Variants in PARD3B observed in about 807,000 individuals in gnomAD.
PARD3B encodes par-3 family cell polarity regulator beta, also known as partitioning defective 3 homolog B.
A neutral mutation model predicts 130.2 loss-of-function variants in PARD3B; 103 were observed. The observed-to-expected ratio is 0.79, with a 90% CI of 0.67 to 0.93. The LOEUF (loss-of-function observed/expected upper bound fraction) is 0.93, where lower values mean the gene tolerates loss of function less well. Ranked by LOEUF, PARD3B falls within the 40% of genes least tolerant of loss-of-function variation. The pLI is 0.00. For synonymous variants in PARD3B, 583 were observed against 553.2 expected, an observed-to-expected ratio of 1.05 and a Z score of -0.76; for missense variants, 1,609 against 1,499.2, an observed-to-expected ratio of 1.07 and a Z score of -1.21.
At chr2:204,613,914 A>C (rs541649788) in intron 1 of PARD3B, among the ~76,000 whole-genome samples, 1 of 152,150 alleles carries the variant, frequency 6.6e-6, no homozygotes, top group African/African-American at 2.4e-5. Context: ...GATTCCCACA[A>C]ATGCTGGGTG....
intron 20 of PARD3B, among the ~76,000 whole-genome samples, chr2:205,457,531 T>C (rs2048316468): frequency 6.6e-6 from 1 of 152,106 alleles, no homozygotes. Flanking sequence ...TCTTTGTTCC[T>C]TTCTGAATAT....
chr2:204,743,953 G>A (rs1310306566), intron 2 of PARD3B, among the ~76,000 whole-genome samples: 1 of 152,100 alleles, frequency 6.6e-6, no homozygotes, highest in African/African-American at 2.4e-5. Context: ...CTTGGAGTAG[G>A]AAAACCTGAT....
At chr2:205,112,396 A>T (rs781697644) in intron 5 of PARD3B, among the ~76,000 whole-genome samples, 8 of 152,112 alleles carry the variant, frequency 5.3e-5, no homozygotes, top group Non-Finnish European at 8.8e-5. Context: ...GTGCAGAGTG[A>T]ATTCATCATG....
chr2:205,414,186 C>G (rs1179381584), intron 19 of PARD3B, among the ~76,000 whole-genome samples: 1 of 152,106 alleles, frequency 6.6e-6, no homozygotes, highest in East Asian at 1.9e-4. Context: ...GACTAAACTC[C>G]AAGCCCGTGA....
At chr2:205,157,151 CT>C (rs1490537705) in intron 10 of PARD3B, among the ~76,000 whole-genome samples, 1 of 152,070 alleles carries the variant, frequency 6.6e-6, no homozygotes, top group Admixed American at 6.6e-5. Context: ...CTTTATTAGA[CT>C]GAAATTAAGC....
At chr2:204,710,500 G>C (rs1359717052) in intron 2 of PARD3B, among the ~76,000 whole-genome samples, 2 of 152,236 alleles carry the variant, frequency 1.3e-5, no homozygotes, top group South Asian at 4.1e-4. Flanking sequence ...TTGAAGAAAT[G>C]TGAGGCATGC....
rs1010888915 is a variant in PARD3B, at chr2:205,339,553, G to T, written c.2630+37852G>T. On this transcript the variant is annotated intron_variant, in intron 18 of 22. Coordinates refer to ENST00000406610, the MANE Select transcript of PARD3B (RefSeq NM_001302769.2). ...TTGGTTTTAACTAGTTTTTCAAATG[G>T]TCCACATGTAATTTAAAGTGTTGGA... 6.6e-5 allele frequency among the ~76,000 whole-genome samples: 10 copies of T among 152,260 alleles called. No homozygotes were observed. In the East Asian group the frequency reaches 1.9e-3, roughly 29 times the overall value.
In PARD3B at chr2:204,638,499, C is replaced by G. The variant is rs149462625; in HGVS notation, c.121-47682C>G. The stretch of plus-strand genomic sequence containing the variant: ...ACTGATCGCTATATATTTAAACTTG[C>G]TTTAGCCAAGTGTAATTTTGTTATT... On this transcript the variant is annotated intron_variant, in intron 1 of 22. Coordinates refer to ENST00000406610, the MANE Select transcript of PARD3B (RefSeq NM_001302769.2). 4.9e-3 allele frequency among the ~76,000 whole-genome samples: 747 copies of G among 152,238 alleles called. 6 individuals carry two copies. Among genetic ancestry groups the G allele is most frequent in the African/African-American group, 0.017 (710 of 41,548 alleles).
At position 204,943,196 on chromosome 2, in the gene PARD3B, G is replaced by GTA. The variant is rs1362495637; in HGVS notation, c.223-21945_223-21944dup. Among the ~76,000 whole-genome samples the GTA allele has an allele frequency of 3.0e-4, 46 of 151,830 alleles. No individual in the cohort carries two copies. The highest frequency in any genetic ancestry group is 8.2e-4 in the African/African-American group (34 of 41,380). On this transcript the variant is annotated intron_variant, in intron 2 of 22. Coordinates refer to ENST00000406610, the MANE Select transcript of PARD3B (RefSeq NM_001302769.2). This position sits in a 1 kb window ranked among gnomAD's most constrained non-coding sequence, Gnocchi z 4.2. ...TGTATGCATATATATATATGTGTGT[G>GTA]TATATATATATAATATGTTAATTTT...
rs2036517585 is a variant in PARD3B, at chr2:204,675,999, G to A, written c.121-10182G>A. Among the ~76,000 whole-genome samples the A allele has an allele frequency of 6.7e-6, 1 of 150,264 alleles. No individual in the cohort carries two copies. Among genetic ancestry groups the A allele is most frequent in the Admixed American group, 6.6e-5 (1 of 15,042 alleles). On this transcript the variant is annotated intron_variant, in intron 1 of 22. Transcript: ENST00000406610. The surrounding 1 kb of genome is among the most constrained non-coding windows in gnomAD (Gnocchi z 4.4). ...GGTTTATACATAATGGTTTATACTG[G>A]TTCCCTGTCTTTAAAATAAGAGGCC...
chr2:205,008,860 T>C (rs747011530), intron 3 of PARD3B, among the ~76,000 whole-genome samples: 16 of 152,178 alleles, frequency 1.1e-4, no homozygotes, highest in Non-Finnish European at 1.5e-4. Context: ...TCCAAGATAT[T>C]GCAGCTTCAG....
chr2:204,645,374 T>G (rs754412985), intron 1 of PARD3B, among the ~76,000 whole-genome samples: 4 of 152,322 alleles, frequency 2.6e-5, no homozygotes. Flanking sequence ...TTTTGCTGAT[T>G]GTTTTTGTAA....
chr2:205,344,715 T>C (rs913686772), intron 18 of PARD3B, among the ~76,000 whole-genome samples: 8 of 152,236 alleles, frequency 5.3e-5, no homozygotes, highest in Non-Finnish European at 1.2e-4. Context: ...AGCCTTATGG[T>C]CTTTCCAGTA....
At chr2:205,150,209 C>CTG (rs1491537101) in intron 10 of PARD3B, among the ~76,000 whole-genome samples, 1 of 118,536 alleles carries the variant, frequency 8.4e-6, no homozygotes, top group Admixed American at 9.9e-5. Context: ...GCCAGCCAGG[C>CTG]TCTGTGTGTG....
chr2:205,306,879 T>C (rs1016543393), intron 18 of PARD3B, among the ~76,000 whole-genome samples: 1 of 152,230 alleles, frequency 6.6e-6, no homozygotes, highest in African/African-American at 2.4e-5. Context: ...GCTCAGATGC[T>C]ATTGACTTAG....
chr2:204,858,221 T>C (rs2045033442), intron 2 of PARD3B, among the ~76,000 whole-genome samples: 1 of 152,112 alleles, frequency 6.6e-6, no homozygotes. Flanking sequence ...CATCAAGTGG[T>C]AAAATATCTT....
intron 4 of PARD3B, among the ~76,000 whole-genome samples, chr2:205,075,581 G>T (rs1224074213): frequency 1.4e-5 from 2 of 144,658 alleles, no homozygotes; most frequent in African/African-American, 5.6e-5. Context: ...CTCTTTTTTA[G>T]GTTGCAAAAT....
At chr2:205,054,407 T>C (rs1175401616) in intron 4 of PARD3B, among the ~76,000 whole-genome samples, 1 of 29,982 alleles carries the variant, frequency 3.3e-5, no homozygotes, top group Admixed American at 4.2e-4. Context: ...ATGTCTTTTA[T>C]ATATATATAT....
intron 10 of PARD3B, among the ~76,000 whole-genome samples, chr2:205,152,869 C>G (rs1170040776): frequency 6.6e-6 from 1 of 152,180 alleles, no homozygotes; most frequent in Non-Finnish European, 1.5e-5. Flanking sequence ...CTTTTCTGCT[C>G]TGTTTTTTCC....
Sources: allele counts gnomAD v4.1 joint callset (sites outside exome capture counted in the v4.1 genomes callset), GRCh38; gene constraint gnomAD v4.1.1; non-coding constraint Gnocchi (gnomAD v3.1); transcripts MANE v1.5; gene names NCBI Gene and HGNC (gene_info 2026-07-23, HGNC 2026-07-21).